The following CCDC61 variants were observed in gnomAD, a reference collection of about 807,000 sequenced individuals.
CCDC61 encodes the protein coiled-coil domain containing 61.
A neutral mutation model predicts 63.0 loss-of-function variants in CCDC61; 55 were observed. That is an observed-to-expected ratio of 0.87 (90% CI 0.70 to 1.09). CCDC61 has a LOEUF of 1.09. Among genes scored for constraint, CCDC61 ranks in the 50% least tolerant of loss-of-function variants. The pLI, the probability that CCDC61 is intolerant of heterozygous loss-of-function variation, is 0.00. For synonymous variants in CCDC61, 270 were observed against 317.0 expected (o/e 0.85, Z 1.58); for missense variants, 651 against 731.4 (o/e 0.89, Z 1.27).
At chr19:46,000,993 G>C (rs1968580194) in intron 1 of CCDC61, among the ~76,000 whole-genome samples, 2 of 151,964 alleles carry the variant, frequency 1.3e-5, no homozygotes, top group South Asian at 4.2e-4. Context: ...CACGAGTGGG[G>C]GCGGTGATGC....
At chr19:46,010,111 A>T (rs1968800769) in intron 5 of CCDC61, among the ~76,000 whole-genome samples, 1 of 152,196 alleles carries the variant, frequency 6.6e-6, no homozygotes, top group African/African-American at 2.4e-5. Flanking sequence ...ACGCTAGTTA[A>T]TGTTTATTAT....
chr19:45,999,087 C>T (rs935195048), intron 1 of CCDC61, among the ~76,000 whole-genome samples: 1 of 152,128 alleles, frequency 6.6e-6, no homozygotes, highest in Non-Finnish European at 1.5e-5. Flanking sequence ...TAATACCCAC[C>T]AGAGAGCAGA....
At position 46,018,412 on chromosome 19, in the gene CCDC61, CA is replaced by C; in HGVS notation, c.*26del. ...ACGTGGAGAAGGGGTACTACCCCTCCATCCCCCACCCACTTGCTGGGTATGG... is the reference window on the plus strand; with the variant it reads ...ACGTGGAGAAGGGGTACTACCCCTCCTCCCCCACCCACTTGCTGGGTATGG... On this transcript the variant is annotated 3_prime_UTR_variant, in exon 14 of 14. Coordinates refer to ENST00000595358, the MANE Select transcript of CCDC61 (RefSeq NM_001267723.2). This position sits in a 1 kb window ranked among gnomAD's most constrained non-coding sequence, Gnocchi z 4.2. The C allele has an allele frequency of 3.3e-6, 5 of 1,535,246 alleles. No individual in the cohort carries two copies. Among genetic ancestry groups the C allele is most frequent in the Non-Finnish European group, 4.4e-6 (5 of 1,132,212 alleles).
At position 46,018,325 on chromosome 19, in the gene CCDC61, G is replaced by T; in HGVS notation, c.1477G>T (p.Glu493Ter). Residue 493 changes from glutamate to a stop codon, truncating the protein, a stop_gained, in exon 14 of 14, where the codon GAA becomes TAA. Coordinates refer to ENST00000595358, the MANE Select transcript of CCDC61 (RefSeq NM_001267723.2). LOFTEE classifies it high-confidence loss of function. The surrounding 1 kb of genome is among the most constrained non-coding windows in gnomAD (Gnocchi z 4.2). ...SSEHQAADMA[E>*]IDARLKALQE... ...GGAGCACCAGGCGGCTGACATGGCCGAAATAGACGCACGCCTGAAGGCCTT... is the reference window on the plus strand; with the variant it reads ...GGAGCACCAGGCGGCTGACATGGCCTAAATAGACGCACGCCTGAAGGCCTT... The T allele has an allele frequency of 6.3e-7, 1 of 1,575,760 alleles. No homozygotes were observed. The highest frequency in any genetic ancestry group is 1.2e-5 in the South Asian group (1 of 85,794).
intron 4 of CCDC61, among the ~76,000 whole-genome samples, chr19:46,007,608 G>A (rs1029869571): frequency 2.0e-5 from 3 of 152,324 alleles, no homozygotes; most frequent in South Asian, 4.1e-4. Context: ...TAGGGGGAGG[G>A]TAGCAAGAGA....
At chr19:46,014,271 C>T (rs188330928) in intron 5 of CCDC61, among the ~76,000 whole-genome samples, 49 of 152,262 alleles carry the variant, frequency 3.2e-4, no homozygotes, top group Non-Finnish European at 5.0e-4. Flanking sequence ...TCATTTTCCC[C>T]TTCCCCATAA....
chr19:46,000,317 C>A, intron 1 of CCDC61, among the ~76,000 whole-genome samples: 1 of 151,954 alleles, frequency 6.6e-6, no homozygotes, highest in East Asian at 1.9e-4. Context: ...TGGAGCAGAA[C>A]CTTGAGCAAA....
chr19:46,018,128 C>A lies in CCDC61; in HGVS notation c.1419C>A (p.Ser473=), dbSNP rs758587949. ...RSHHQKSLAN[S]GGWVPIKEYS... ...ACCATCAGAAATCTCTGGCCAACTC[C>A]GGGGGCTGGGTCCCCATCAAAGGTG... Residue 473 remains serine (S), a synonymous_variant, in exon 13 of 14, where the codon TCC becomes TCA. Coordinates refer to ENST00000595358, the MANE Select transcript of CCDC61 (RefSeq NM_001267723.2). The surrounding 1 kb of genome is among the most constrained non-coding windows in gnomAD (Gnocchi z 4.2). The A allele has an allele frequency of 6.2e-7, 1 of 1,609,106 alleles. No individual in the cohort carries two copies. The highest frequency in any genetic ancestry group is 1.7e-5 in the Admixed American group (1 of 59,584).
Position 46,008,248 on chromosome 19 carries a change from T to A in CCDC61, c.498T>A (p.Asp166Glu). The A allele has an allele frequency of 2.1e-6, 3 of 1,404,410 alleles. No homozygotes were observed. The highest frequency in any genetic ancestry group is 2.3e-5 in the South Asian group (2 of 88,156). The allele number at this position is 1,404,410 out of a possible 1,614,324, so 87.0% of individuals were successfully genotyped here. ...AACTGGGCCGCCTGCAAGGGCTGGA[T>A]GGCCAGAACACTCGGGACACCCGGG... is the stretch of plus-strand genomic sequence containing the variant. ...KEELGRLQGL[D>E]GQNTRDTREN... The change falls in exon 5 of 14, where the codon GAT becomes GAA. Residue 166 changes from aspartate to glutamate, a missense_variant. Physicochemically the swap from Asp to Glu is conservative, Grantham distance 45. Coordinates refer to ENST00000595358, the MANE Select transcript of CCDC61 (RefSeq NM_001267723.2).
At chr19:46,003,386 C>G in intron 2 of CCDC61, 33 bp from the exon 3 acceptor site, 1 of 1,599,088 alleles carries the variant, frequency 6.3e-7, no homozygotes, top group South Asian at 1.1e-5. Context: ...GGCAAGCGGT[C>G]AGACCTCAGG....
chr19:46,014,537 C>G (rs772406464), intron 5 of CCDC61, among the ~76,000 whole-genome samples: 2 of 152,120 alleles, frequency 1.3e-5, no homozygotes, highest in Non-Finnish European at 2.9e-5. Flanking sequence ...TTGGTTATTT[C>G]CACTCTTTTG....
Position 46,017,291 on chromosome 19 carries a change from G to A in CCDC61, c.1355G>A (p.Ser452Asn). The change falls in exon 12 of 14, where the codon AGT becomes AAT. Residue 452 changes from serine to asparagine, a missense_variant. Coordinates refer to ENST00000595358, the MANE Select transcript of CCDC61 (RefSeq NM_001267723.2). The stretch of plus-strand genomic sequence containing the variant: ...AAGCCTCCCAGCCCAACGCCCTGGA[G>A]TGGGTCCAATATGGTGAGTAGAAGG... ...RGKPPSPTPW[S>N]GSNMKSPPVE... is the part of the protein sequence containing the mutation. 1.3e-6 allele frequency: 2 copies of A among 1,563,908 alleles called. No homozygotes were observed. Among genetic ancestry groups the A allele is most frequent in the Non-Finnish European group, 1.7e-6 (2 of 1,153,590 alleles).
chr19:46,016,308 G>A lies in CCDC61; in HGVS notation c.1016-10G>A. On this transcript the variant is annotated splice_polypyrimidine_tract_variant and intron_variant, in intron 8 of 13. Coordinates refer to ENST00000595358, the MANE Select transcript of CCDC61 (RefSeq NM_001267723.2). The surrounding 1 kb of genome is among the most constrained non-coding windows in gnomAD (Gnocchi z 7.2). ...CGGACCTAGCCGCCTCCTCTCCCAC[G>A]CCGTCCTAGGTGGTCGCGCGCTCCG... is the stretch of plus-strand genomic sequence containing the variant. 2 of 1,613,286 alleles carry A rather than the reference G, an allele frequency of 1.2e-6. No individual in the cohort carries two copies. Among genetic ancestry groups the A allele is most frequent in the Non-Finnish European group, 1.7e-6 (2 of 1,179,574 alleles).
intron 4 of CCDC61, among the ~76,000 whole-genome samples, chr19:46,007,253 T>C (rs1968729858): frequency 6.6e-6 from 1 of 152,136 alleles, no homozygotes; most frequent in Non-Finnish European, 1.5e-5. Flanking sequence ...TTTGTCATGT[T>C]GCCCAGGCTG....
At chr19:46,017,174 A>G in intron 11 of CCDC61, 73 bp from the exon 12 acceptor site, 12 of 1,541,304 alleles carry the variant, frequency 7.8e-6, no homozygotes, top group Non-Finnish European at 1.1e-5. Flanking sequence ...GGGCCTTGAA[A>G]CCACAAAGGT....
chr19:45,999,703 G>A (rs1366875926), intron 1 of CCDC61, among the ~76,000 whole-genome samples: 1 of 152,106 alleles, frequency 6.6e-6, no homozygotes, highest in African/African-American at 2.4e-5. Flanking sequence ...AGCCAGGGGT[G>A]GTGATGTAAC....
intron 5 of CCDC61, among the ~76,000 whole-genome samples, chr19:46,011,378 A>G (rs1292699725): frequency 6.6e-6 from 1 of 152,118 alleles, no homozygotes; most frequent in Non-Finnish European, 1.5e-5. Context: ...CTTTTAATTT[A>G]TATCCCCCTC....
chr19:46,017,384 G>A (rs1968966242), intron 12 of CCDC61, 80 bp downstream of exon 12: 1 of 1,348,580 alleles, frequency 7.4e-7, no homozygotes, highest in East Asian at 2.5e-5. Flanking sequence ...ATCAGGTGCA[G>A]AGGCGACTCT....
At position 46,016,319 on chromosome 19, in the gene CCDC61, T is replaced by A; in HGVS notation, c.1017T>A (p.Gly339=). The A allele has an allele frequency of 2.5e-6, 4 of 1,613,794 alleles. No homozygotes were observed. The highest frequency in any genetic ancestry group is 3.4e-6 in the Non-Finnish European group (4 of 1,179,810). ...RPARPSPSPT[G]GRALRFDPTA... Reference sequence around the variant, plus strand: ...GCCTCCTCTCCCACGCCGTCCTAGGTGGTCGCGCGCTCCGCTTCGACCCCA... The same window carrying A: ...GCCTCCTCTCCCACGCCGTCCTAGGAGGTCGCGCGCTCCGCTTCGACCCCA... The change falls in exon 9 of 14, where the codon GGT becomes GGA. Residue 339 remains glycine, a splice_region_variant and synonymous_variant. Transcript: ENST00000595358. This position sits in a 1 kb window ranked among gnomAD's most constrained non-coding sequence, Gnocchi z 7.2.
Sources: gnomAD v4.1 joint callset for allele counts (sites outside exome capture counted in the v4.1 genomes callset) on GRCh38, gnomAD v4.1.1 for gene constraint, Gnocchi (gnomAD v3.1) non-coding constraint, MANE v1.5 for transcripts, NCBI Gene and HGNC (gene_info 2026-07-23, HGNC 2026-07-21) for gene names.